SRL: variants seen among roughly 807,000 people sequenced by gnomAD.
SRL encodes the protein sarcalumenin.
A neutral mutation model predicts 39.5 loss-of-function variants in SRL; 23 were observed. That is an observed-to-expected ratio of 0.58 (90% CI 0.42 to 0.82). The LOEUF (loss-of-function observed/expected upper bound fraction) is 0.82. Among genes scored for constraint, SRL ranks in the 40% least tolerant of loss-of-function variants. The pLI is 0.00. For synonymous variants in SRL, 272 were observed against 237.4 expected (o/e 1.15, Z -1.34); for missense variants, 592 against 607.8 (o/e 0.97, Z 0.27).
intron 3 of SRL, among the ~76,000 whole-genome samples, chr16:4,198,632 G>C (rs2052180527): frequency 6.6e-6 from 1 of 151,660 alleles, no homozygotes; most frequent in Non-Finnish European, 1.5e-5. Flanking sequence ...TTTTTTTGTA[G>C]AGATGGGGTC....
intron 1 of SRL, among the ~76,000 whole-genome samples, chr16:4,233,469 C>T (rs1383636391): frequency 4.6e-5 from 7 of 152,240 alleles, no homozygotes; most frequent in Non-Finnish European, 1.0e-4. Flanking sequence ...TTGTCCCCTC[C>T]CTGCACGTTG....
intron 5 of SRL, 139 bp downstream of exon 5, chr16:4,195,414 T>C (rs2052122933): frequency 1.2e-6 from 1 of 819,138 alleles, no homozygotes; most frequent in Admixed American, 2.4e-5. Flanking sequence ...CTCAGGCTGG[T>C]CTTGAACCTC....
At chr16:4,203,092 C>T (rs1237845325) in intron 3 of SRL, 74 bp downstream of exon 3, 1 of 1,331,882 alleles carries the variant, frequency 7.5e-7, no homozygotes, top group Non-Finnish European at 1.1e-6. Context: ...CCAGGCCGGT[C>T]AGCAGTGTGG....
At chr16:4,226,229 G>C (rs2052586899) in intron 1 of SRL, among the ~76,000 whole-genome samples, 1 of 152,154 alleles carries the variant, frequency 6.6e-6, no homozygotes, top group Non-Finnish European at 1.5e-5. Context: ...TCAGTTTCCT[G>C]TCTGTCAGGG....
At position 4,195,725 on chromosome 16, in the gene SRL, G is replaced by A. The variant is rs1307953023; in HGVS notation, c.438C>T (p.Ile146=). ...TGTCAGCAGCCATGACGATGCCCTC[G>A]ATGGTTTTCAGCTTAGGCCCATGCA... ...VLMHGPKLKT[I]EGIVMAADSA... The change falls in exon 5 of 6, where the codon ATC becomes ATT. Residue 146 remains isoleucine (I), a synonymous_variant. Transcript: ENST00000399609. The A allele has an allele frequency of 3.7e-6, 6 of 1,614,038 alleles. No homozygotes were observed. Among genetic ancestry groups the A allele is most frequent in the Admixed American group, 1.7e-5 (1 of 59,984 alleles).
At chr16:4,228,804 G>C (rs2052627115) in intron 1 of SRL, among the ~76,000 whole-genome samples, 1 of 152,034 alleles carries the variant, frequency 6.6e-6, no homozygotes, top group African/African-American at 2.4e-5. Context: ...CTGGGGAAAG[G>C]TGGGGACCAG....
At chr16:4,220,827 TA>T (rs138167911) in intron 1 of SRL, among the ~76,000 whole-genome samples, 4,858 of 150,070 alleles carry the variant, frequency 0.032, 219 homozygotes, top group African/African-American at 0.11. Flanking sequence ...CGAATATACT[TA>T]AAAAAAAATT....
intron 3 of SRL, among the ~76,000 whole-genome samples, chr16:4,202,447 G>A (rs1394803102): frequency 6.6e-6 from 1 of 152,010 alleles, no homozygotes; most frequent in African/African-American, 2.4e-5. Context: ...CAAAAAATTG[G>A]CCAGGCGTGG....
chr16:4,239,849 G>A (rs1409979455), intron 1 of SRL: 1 of 152,294 alleles, frequency 6.6e-6, no homozygotes, highest in Non-Finnish European at 1.5e-5. Flanking sequence ...CTTTAAGGAG[G>A]AACAGCCCCA....
chr16:4,230,547 ATT>A (rs555911990), intron 1 of SRL, among the ~76,000 whole-genome samples: 6 of 144,474 alleles, frequency 4.2e-5, no homozygotes, highest in Admixed American at 6.9e-5. Flanking sequence ...TGACTGGCTA[ATT>A]TTTTTTTTTT....
chr16:4,218,248 C>T (rs553500953), intron 1 of SRL, among the ~76,000 whole-genome samples: 25 of 152,274 alleles, frequency 1.6e-4, no homozygotes, highest in South Asian at 1.0e-3. Flanking sequence ...CCAACGCAAA[C>T]GCGCACTCAG....
chr16:4,232,343 A>G (rs1597296636), intron 1 of SRL, among the ~76,000 whole-genome samples: 1 of 152,174 alleles, frequency 6.6e-6, no homozygotes, highest in East Asian at 1.9e-4. Flanking sequence ...ATAAGTAATC[A>G]TCTACTACTT....
At chr16:4,208,404 C>A (rs2052353318) in intron 1 of SRL, among the ~76,000 whole-genome samples, 1 of 152,164 alleles carries the variant, frequency 6.6e-6, no homozygotes, top group Non-Finnish European at 1.5e-5. Flanking sequence ...GCACCGCGAC[C>A]CTGGCCCTGA....
At chr16:4,226,187 T>G (rs2052586126) in intron 1 of SRL, among the ~76,000 whole-genome samples, 1 of 152,220 alleles carries the variant, frequency 6.6e-6, no homozygotes, top group Non-Finnish European at 1.5e-5. Flanking sequence ...CTCCATCGCA[T>G]CTACCACCTT....
chr16:4,235,134 C>A (rs2141070753), intron 1 of SRL, among the ~76,000 whole-genome samples: 1 of 152,250 alleles, frequency 6.6e-6, no homozygotes, highest in Non-Finnish European at 1.5e-5. Context: ...AATGAAGGAG[C>A]CAAATAGGGC....
At chr16:4,212,622 C>T (rs980235718) in intron 1 of SRL, among the ~76,000 whole-genome samples, 1 of 152,210 alleles carries the variant, frequency 6.6e-6, no homozygotes, top group African/African-American at 2.4e-5. Context: ...GTATGTGCTG[C>T]TGCCAGGGTG....
At position 4,204,549 on chromosome 16, in the gene SRL, T is replaced by C. The variant is rs146761878; in HGVS notation, c.147A>G (p.Pro49=). 9.3e-3 allele frequency: 14,872 copies of C among 1,594,716 alleles called. 92 individuals carry two copies. Among genetic ancestry groups the C allele is most frequent in the Middle Eastern group, 0.017 (99 of 5,968 alleles). ...EKTLMLNEDK[P]SDDYSAVLQR... ...CCTGGTTACCAGAGTAGTCATCGGA[T>C]GGCTTGTCCTCATTCAGCATGAGGG... The change falls in exon 2 of 6, where the codon CCA becomes CCG. Residue 49 remains proline, a synonymous_variant. Coordinates refer to ENST00000399609, the MANE Select transcript of SRL (RefSeq NM_001098814.2).
At chr16:4,202,153 G>A (rs574307302) in intron 3 of SRL, among the ~76,000 whole-genome samples, 3 of 152,310 alleles carry the variant, frequency 2.0e-5, no homozygotes, top group African/African-American at 7.2e-5. Context: ...GAGGGAAGGA[G>A]GGAGGTTTCC....
chr16:4,240,769 A>G (rs1307618476), intron 1 of SRL, among the ~76,000 whole-genome samples: 2 of 152,162 alleles, frequency 1.3e-5, no homozygotes, highest in Non-Finnish European at 2.9e-5. Flanking sequence ...AGCGGCCACG[A>G]AGGGAGAGGG....
Sources: gnomAD v4.1 joint callset for allele counts (sites outside exome capture counted in the v4.1 genomes callset) on GRCh38, gnomAD v4.1.1 for gene constraint, MANE v1.5 for transcripts, NCBI Gene and HGNC (gene_info 2026-07-23, HGNC 2026-07-21) for gene names.